The following LRP11 variants were observed in gnomAD, a reference collection of about 807,000 sequenced individuals.
The protein encoded by LRP11 is low-density lipoprotein receptor-related protein 11.
Under a neutral mutation model 43.1 loss-of-function variants are expected in LRP11, and 25 were observed. The ratio of observed to expected loss-of-function variants is 0.58; its 90% CI spans 0.42 to 0.81. LRP11 has a LOEUF of 0.81. Ranked by LOEUF, LRP11 falls within the 30% of genes least tolerant of loss-of-function variation. The pLI is 0.00. For synonymous variants in LRP11, 316 were observed against 299.4 expected (o/e 1.06, Z -0.57); for missense variants, 623 against 665.1 (o/e 0.94, Z 0.70).
At chr6:149,837,797 T>C (rs1683384419) in intron 3 of LRP11, among the ~76,000 whole-genome samples, 1 of 152,186 alleles carries the variant, frequency 6.6e-6, no homozygotes, top group African/African-American at 2.4e-5. Flanking sequence ...CATTCATTCA[T>C]TCATAGAAAC....
At chr6:149,859,396 A>ATATATTTTTTTTTTT in intron 1 of LRP11, among the ~76,000 whole-genome samples, 18 of 71,494 alleles carry the variant, frequency 2.5e-4, no homozygotes, top group African/African-American at 1.4e-3. Context: ...ATATATATAT[A>ATATATTTTTTTTTTT]TTTTTTTTTT....
At chr6:149,859,935 T>A (rs1369967253) in intron 1 of LRP11, among the ~76,000 whole-genome samples, 1 of 152,180 alleles carries the variant, frequency 6.6e-6, no homozygotes, top group African/African-American at 2.4e-5. Flanking sequence ...CTTTAATCCA[T>A]CTGGAATTTG....
intron 3 of LRP11, among the ~76,000 whole-genome samples, chr6:149,840,560 G>A (rs1334032328): frequency 6.6e-6 from 1 of 152,208 alleles, no homozygotes; most frequent in Non-Finnish European, 1.5e-5. Flanking sequence ...GGCCGGTGAG[G>A]TGCTGGCCAT....
chr6:149,842,676 T>A, intron 3 of LRP11: 2 of 1,551,070 alleles, frequency 1.3e-6, no homozygotes, highest in Non-Finnish European at 1.7e-6. Flanking sequence ...GGACCATCCA[T>A]CTGTAAACAA....
At chr6:149,834,612 G>A (rs998191002) in intron 5 of LRP11, among the ~76,000 whole-genome samples, 1 of 152,146 alleles carries the variant, frequency 6.6e-6, no homozygotes, top group African/African-American at 2.4e-5. Context: ...CTGTTTCTTA[G>A]ATTGTGATGC....
intron 5 of LRP11, among the ~76,000 whole-genome samples, chr6:149,831,544 C>T (rs1036468903): frequency 6.6e-6 from 1 of 152,216 alleles, no homozygotes; most frequent in African/African-American, 2.4e-5. Context: ...CTCCTCCTGC[C>T]CGGTGGCTCA....
intron 6 of LRP11, among the ~76,000 whole-genome samples, chr6:149,820,928 C>CTTTTT (rs11399122): frequency 8.6e-6 from 1 of 116,490 alleles, no homozygotes; most frequent in Non-Finnish European, 1.7e-5. Context: ...CAAACCTAGA[C>CTTTTT]TTTTTTTTTT....
chr6:149,855,942 G>C (rs1437566961), intron 1 of LRP11, among the ~76,000 whole-genome samples: 1 of 152,122 alleles, frequency 6.6e-6, no homozygotes, highest in African/African-American at 2.4e-5. Flanking sequence ...GCTTCTGCCA[G>C]GTAAGGAGAG....
rs765760466 is a variant in LRP11 at position 149,837,322 on chromosome 6, G to C, written c.1039+16C>G. On this transcript the variant is annotated intron_variant, in intron 4 of 6. Transcript: ENST00000239367. ...CCTTCCAGCCACTGCCTAGCAATGTGACATAGCCAACTCACGATTCTGGCA... is the reference window on the plus strand; with the variant it reads ...CCTTCCAGCCACTGCCTAGCAATGTCACATAGCCAACTCACGATTCTGGCA... The C allele has an allele frequency of 6.2e-7, 1 of 1,612,340 alleles. No homozygotes were observed. The highest frequency in any genetic ancestry group is 1.1e-5 in the South Asian group (1 of 90,870).
At chr6:149,835,972 A>T in intron 5 of LRP11, 113 bp downstream of exon 5, 1 of 993,696 alleles carries the variant, frequency 1.0e-6, no homozygotes, top group Non-Finnish European at 1.5e-6. Flanking sequence ...TCTTAATTTT[A>T]ACTCTTATTT....
At chr6:149,835,904 G>A (rs564333302) in intron 5 of LRP11, among the ~76,000 whole-genome samples, 181 bp downstream of exon 5, 1 of 152,240 alleles carries the variant, frequency 6.6e-6, no homozygotes, top group African/African-American at 2.4e-5. Context: ...TTTAGTAAGT[G>A]TCCCTTACTA....
chr6:149,859,396 A>ATATTTTTTTTT, intron 1 of LRP11, among the ~76,000 whole-genome samples: 4 of 71,512 alleles, frequency 5.6e-5, no homozygotes, highest in African/African-American at 3.3e-4. Context: ...ATATATATAT[A>ATATTTTTTTTT]TTTTTTTTTT....
chr6:149,852,957 C>T (rs966113907), intron 2 of LRP11, 46 bp downstream of exon 2: 2 of 1,517,226 alleles, frequency 1.3e-6, no homozygotes, highest in Non-Finnish European at 1.8e-6. Context: ...CAAAAGACCA[C>T]TTCACTGAAA....
intron 3 of LRP11, among the ~76,000 whole-genome samples, chr6:149,839,218 G>A (rs945770877): frequency 3.3e-5 from 5 of 152,062 alleles, no homozygotes; most frequent in South Asian, 2.1e-4. Context: ...TTATTGAAAC[G>A]TGGTTAAATC....
chr6:149,828,811 T>C (rs1056268781), intron 5 of LRP11, among the ~76,000 whole-genome samples: 1 of 152,170 alleles, frequency 6.6e-6, no homozygotes, highest in African/African-American at 2.4e-5. Flanking sequence ...ATATTTTCAA[T>C]AGCATTTTGA....
At chr6:149,863,045 A>G (rs952791431) in intron 1 of LRP11, among the ~76,000 whole-genome samples, 1 of 152,190 alleles carries the variant, frequency 6.6e-6, no homozygotes, top group Non-Finnish European at 1.5e-5. Flanking sequence ...CCGGCATCTA[A>G]TTAGATTTTG....
chr6:149,836,180 G>C lies in LRP11; in HGVS notation c.1157C>G (p.Thr386Ser). 3 of 1,614,102 alleles carry C rather than the reference G, an allele frequency of 1.9e-6. No homozygotes were observed. The highest frequency in any genetic ancestry group is 2.5e-6 in the Non-Finnish European group (3 of 1,180,032). ...TAATGCAGGTGGCTTGTTTGGGGCAGTGGCTTTCTGAGACTTTTCCACCAA... is the reference window on the plus strand; with the variant it reads ...TAATGCAGGTGGCTTGTTTGGGGCACTGGCTTTCTGAGACTTTTCCACCAA... Reference protein sequence around the residue: ...DSLVEKSQKATAPNKPPALSN... With the variant: ...DSLVEKSQKASAPNKPPALSN... Residue 386 changes from threonine to serine, a missense_variant, in exon 5 of 7, where the codon ACT becomes AGT. Transcript: ENST00000239367.
At chr6:149,822,548 AG>A in intron 6 of LRP11, among the ~76,000 whole-genome samples, 1 of 152,036 alleles carries the variant, frequency 6.6e-6, no homozygotes, top group African/African-American at 2.4e-5. Context: ...AAGATTGTTA[AG>A]TGGTAGAGCT....
chr6:149,824,819 C>T (rs1228700594), intron 6 of LRP11, among the ~76,000 whole-genome samples: 1 of 152,162 alleles, frequency 6.6e-6, no homozygotes, highest in South Asian at 2.1e-4. Context: ...GAGATCGCGC[C>T]GCTGTACTCC....
Sources: allele counts gnomAD v4.1 joint callset (sites outside exome capture counted in the v4.1 genomes callset), GRCh38; gene constraint gnomAD v4.1.1; transcripts MANE v1.5; gene names NCBI Gene and HGNC (gene_info 2026-07-23, HGNC 2026-07-21).